Variants in EXOC5 observed in about 807,000 individuals in gnomAD.
The protein encoded by EXOC5 is SEC10-like 1.
In EXOC5, 17 loss-of-function variants were observed where a neutral mutation model predicts 90.8. That is an observed-to-expected ratio of 0.19 (90% CI 0.13 to 0.28). The LOEUF (loss-of-function observed/expected upper bound fraction) is 0.28, where lower values mean the gene tolerates loss of function less well. Ranked by LOEUF, EXOC5 falls within the 10% of genes least tolerant of loss-of-function variation. The probability of loss-of-function intolerance (pLI) is 1.00; values close to 1 mark genes in which losing one functional copy is unlikely to be tolerated. For missense variants in EXOC5, 569 were observed against 830.6 expected, an observed-to-expected ratio of 0.69 and a Z score of 3.87; for synonymous variants, 260 against 270.0, an observed-to-expected ratio of 0.96 and a Z score of 0.36.
chr14:57,252,030 C>T (rs75421540), intron 1 of EXOC5, among the ~76,000 whole-genome samples: 1 of 152,100 alleles, frequency 6.6e-6, no homozygotes, highest in Non-Finnish European at 1.5e-5. Flanking sequence ...AATATGAATA[C>T]ACCTATAGCC....
intron 6 of EXOC5, among the ~76,000 whole-genome samples, chr14:57,236,887 T>C (rs929076674): frequency 2.0e-5 from 3 of 149,982 alleles, no homozygotes; most frequent in African/African-American, 7.6e-5. Context: ...GTTAAATAGA[T>C]ACTGAAATGC....
intron 1 of EXOC5, among the ~76,000 whole-genome samples, chr14:57,255,947 C>A (rs1004010898): frequency 9.9e-5 from 15 of 151,936 alleles, no homozygotes; most frequent in African/African-American, 3.6e-4. Context: ...ATGAGTCTGG[C>A]AACAAGAGGT....
chr14:57,246,944 A>T (rs1431578172), intron 2 of EXOC5, 86 bp from the exon 3 acceptor site: 1 of 732,912 alleles, frequency 1.4e-6, no homozygotes, highest in East Asian at 2.9e-5. Flanking sequence ...CATAGTCTTA[A>T]TAAGAAGAGT....
intron 1 of EXOC5, among the ~76,000 whole-genome samples, chr14:57,251,192 G>A (rs184190428): frequency 9.2e-5 from 14 of 152,178 alleles, no homozygotes; most frequent in Admixed American, 6.5e-4. Flanking sequence ...CAGCTACCCA[G>A]GTCCCACCCT....
At chr14:57,227,234 C>T (rs1883334554) in intron 12 of EXOC5, among the ~76,000 whole-genome samples, 2 of 152,052 alleles carry the variant, frequency 1.3e-5, no homozygotes, top group South Asian at 4.2e-4. Flanking sequence ...AAAATGAAAA[C>T]TAAAACTATA....
chr14:57,212,770 G>A (rs979841653), intron 15 of EXOC5, among the ~76,000 whole-genome samples: 41 of 152,112 alleles, frequency 2.7e-4, no homozygotes, highest in African/African-American at 8.0e-4. Flanking sequence ...TTGGCAAACG[G>A]CCCATTGAAC....
chr14:57,223,592 T>C (rs1005738137), intron 12 of EXOC5, among the ~76,000 whole-genome samples: 4 of 152,108 alleles, frequency 2.6e-5, no homozygotes, highest in African/African-American at 9.7e-5. Context: ...AAAATGCTCT[T>C]ACCTTCTTCA....
chr14:57,235,834 C>T lies in EXOC5; in HGVS notation c.560-14G>A, dbSNP rs1293605520. On this transcript the variant is annotated splice_polypyrimidine_tract_variant and intron_variant, in intron 6 of 17. Transcript: ENST00000621441. ...CATGGTATTTACCTAAAAATAAAGT[C>T]ATTCAGCTACACTGAGGCATACAAG... is the stretch of plus-strand genomic sequence containing the variant. 1.5e-6 allele frequency: 2 copies of T among 1,331,758 alleles called. No homozygotes were observed. The highest frequency in any genetic ancestry group is 2.0e-5 in the Admixed American group (1 of 50,788). The allele number at this position is 1,331,758 out of a possible 1,614,324, so 82.5% of individuals were successfully genotyped here.
chr14:57,251,643 G>A (rs1400661742), intron 1 of EXOC5, among the ~76,000 whole-genome samples: 1 of 150,984 alleles, frequency 6.6e-6, no homozygotes, highest in East Asian at 1.9e-4. Context: ...ATAAACTTAA[G>A]TAACAAGAAA....
At chr14:57,245,361 T>G (rs1243040582) in intron 3 of EXOC5, among the ~76,000 whole-genome samples, 1 of 152,138 alleles carries the variant, frequency 6.6e-6, no homozygotes, top group Non-Finnish European at 1.5e-5. Flanking sequence ...GCATATTACA[T>G]GTATTTACTT....
At chr14:57,235,987 G>A (rs1374162144) in intron 6 of EXOC5, among the ~76,000 whole-genome samples, 167 bp from the exon 7 acceptor site, 4 of 152,172 alleles carry the variant, frequency 2.6e-5, no homozygotes, top group Admixed American at 2.0e-4. Flanking sequence ...GTAATATACT[G>A]TGGCATATAA....
At chr14:57,253,609 C>A (rs1189072332) in intron 1 of EXOC5, among the ~76,000 whole-genome samples, 1 of 152,126 alleles carries the variant, frequency 6.6e-6, no homozygotes, top group African/African-American at 2.4e-5. Context: ...TCAAAACTTA[C>A]TACAAAGCTA....
In EXOC5 at chr14:57,206,253, C is replaced by A; in HGVS notation, c.*2356G>T. 1 of 238,074 alleles carries A rather than the reference C, an allele frequency of 4.2e-6. No individual in the cohort carries two copies. The highest frequency in any genetic ancestry group is 5.4e-5 in the South Asian group (1 of 18,424). The allele number at this position is 238,074 out of a possible 1,614,324, so 14.7% of individuals were successfully genotyped here. A position where few individuals can be genotyped will look rare whatever the true frequency, so the allele number is the denominator to read the frequency against. Reference sequence around the variant, plus strand: ...ACCTAAAATTTTACCATGTGCAAAACGAAAAACATTTTAGTTATTGATCAT... The same window carrying A: ...ACCTAAAATTTTACCATGTGCAAAAAGAAAAACATTTTAGTTATTGATCAT... On this transcript the variant is annotated 3_prime_UTR_variant, in exon 18 of 18. Coordinates refer to ENST00000621441, the MANE Select transcript of EXOC5 (RefSeq NM_006544.4).
At chr14:57,216,822 G>T (rs76956751) in intron 15 of EXOC5, among the ~76,000 whole-genome samples, 1 of 151,964 alleles carries the variant, frequency 6.6e-6, no homozygotes, top group Non-Finnish European at 1.5e-5. Context: ...GCACAGCAAA[G>T]AAAACCATCA....
chr14:57,216,198 A>G (rs180688591), intron 15 of EXOC5, among the ~76,000 whole-genome samples: 1 of 152,216 alleles, frequency 6.6e-6, no homozygotes, highest in Admixed American at 6.5e-5. Flanking sequence ...GCTTGAAAGA[A>G]TATTGTTAAC....
chr14:57,266,444 T>C (rs1029018864), intron 1 of EXOC5, among the ~76,000 whole-genome samples: 6 of 152,200 alleles, frequency 3.9e-5, no homozygotes, highest in African/African-American at 1.4e-4. Flanking sequence ...CCAGAAAAGA[T>C]AAATGCACTT....
chr14:57,215,746 C>T (rs1397014702), intron 15 of EXOC5, among the ~76,000 whole-genome samples: 2 of 152,182 alleles, frequency 1.3e-5, no homozygotes, highest in Non-Finnish European at 2.9e-5. Flanking sequence ...AAGCTCAAAG[C>T]TTTTCCTCTA....
At chr14:57,234,068 CAATTAT>C (rs1275789802) in intron 7 of EXOC5, 36 bp from the exon 8 acceptor site, 2 of 1,400,692 alleles carry the variant, frequency 1.4e-6, no homozygotes, top group Admixed American at 3.5e-5. Flanking sequence ...TATTCTGATT[CAATTAT>C]AATAATTATT....
intron 1 of EXOC5, among the ~76,000 whole-genome samples, chr14:57,263,168 C>G (rs879588151): frequency 6.6e-6 from 1 of 152,160 alleles, no homozygotes; most frequent in Non-Finnish European, 1.5e-5. Flanking sequence ...GTATAAAAAG[C>G]CTTCTTAAAA....
Sources: gnomAD v4.1 joint callset for allele counts (sites outside exome capture counted in the v4.1 genomes callset) on GRCh38, gnomAD v4.1.1 for gene constraint, MANE v1.5 for transcripts, NCBI Gene and HGNC (gene_info 2026-07-23, HGNC 2026-07-21) for gene names.